Variants in FAM193A observed in about 807,000 individuals in gnomAD.
The protein encoded by FAM193A is protein FAM193A.
FAM193A carries 22 observed loss-of-function variants against 126.5 expected under a neutral mutation model. The ratio of observed to expected loss-of-function variants is 0.17; its 90% CI spans 0.12 to 0.25. The LOEUF (loss-of-function observed/expected upper bound fraction) is 0.25, where lower values mean the gene tolerates loss of function less well. FAM193A is among the 10% of genes least tolerant of loss of function. The probability of loss-of-function intolerance (pLI) is 1.00; values close to 1 mark genes in which losing one functional copy is unlikely to be tolerated. For synonymous variants in FAM193A, 761 were observed against 646.8 expected (o/e 1.18, Z -2.68); for missense variants, 1,675 against 1,672.8 (o/e 1.00, Z -0.02).
Position 2,694,961 on chromosome 4 carries a change from A to C in FAM193A, c.3108A>C (p.Glu1036Asp). 1 of 1,600,916 alleles carries C rather than the reference A, an allele frequency of 6.2e-7. No homozygotes were observed. Among genetic ancestry groups the C allele is most frequent in the Non-Finnish European group, 8.5e-7 (1 of 1,174,818 alleles). Residue 1036 changes from glutamate to aspartate, a missense_variant, in exon 17 of 21, where the codon GAA (glutamate) becomes GAC (aspartate). Physicochemically the swap from Glu to Asp is conservative, Grantham distance 45. Transcript: ENST00000637812. ...GGTTTTGCAGTGACCCTGACTGCGA[A>C]GGGCACCGCTGCGAGAATGGTGTCT... ...PPSVCSDPDCEGHRCENGVYD... is the reference protein window; with the variant it reads ...PPSVCSDPDCDGHRCENGVYD...
chr4:2,542,229 A>G (rs1560429312), intron 1 of FAM193A, among the ~76,000 whole-genome samples: 1 of 150,592 alleles, frequency 6.6e-6, no homozygotes, highest in Admixed American at 6.6e-5. Context: ...TTGGTCTAGA[A>G]CTCCTGACCT....
rs1028913038 is a variant in FAM193A, at chr4:2,662,911, G to C, written c.1819G>C (p.Asp607His). The change falls in exon 11 of 21, where the codon GAT (aspartate) becomes CAT (histidine). Residue 607 changes from aspartate (D) to histidine (H), a missense_variant. Physicochemically the swap from Asp to His is moderately conservative, Grantham distance 81. Coordinates refer to ENST00000637812, the MANE Select transcript of FAM193A (RefSeq NM_001366318.2). ...ADIYPLSNYDDTEVVANMNGI... is the reference protein window; with the variant it reads ...ADIYPLSNYDHTEVVANMNGI... The stretch of plus-strand genomic sequence containing the variant: ...TATTTATCCATTGAGTAATTATGAT[G>C]ATACCGAGGTGGTGGCCAACATGAA... 6.2e-7 allele frequency: 1 copy of C among 1,613,674 alleles called. No individual in the cohort carries two copies. The highest frequency in any genetic ancestry group is 1.3e-5 in the African/African-American group (1 of 74,894).
chr4:2,596,079 TCCAGA>T lies in FAM193A; in HGVS notation c.256-3_257del. ...TGAAAATAGAATTTTTTTTTTCTAT[TCCAGA>T]CTCCTTTTAGTTTTGGCATGAATCA... On this transcript the variant is annotated splice_acceptor_variant and splice_polypyrimidine_tract_variant and coding_sequence_variant and intron_variant, in exon 2 of 21. Coordinates refer to ENST00000637812, the MANE Select transcript of FAM193A (RefSeq NM_001366318.2). LOFTEE classifies it high-confidence loss of function. 1 of 695,072 alleles carries T rather than the reference TCCAGA, an allele frequency of 1.4e-6. No individual in the cohort carries two copies. The highest frequency in any genetic ancestry group is 2.6e-6 in the Non-Finnish European group (1 of 380,194). The allele number at this position is 695,072 out of a possible 1,614,324, so 43.1% of individuals were successfully genotyped here.
chr4:2,564,309 C>T (rs1329147757), intron 1 of FAM193A, among the ~76,000 whole-genome samples: 1 of 151,972 alleles, frequency 6.6e-6, no homozygotes, highest in Non-Finnish European at 1.5e-5. Context: ...TCTCAAACTC[C>T]TGGGGTCGAG....
intron 2 of FAM193A, among the ~76,000 whole-genome samples, chr4:2,599,902 ATT>A (rs759734987): frequency 2.8e-5 from 4 of 142,910 alleles, no homozygotes; most frequent in Admixed American, 1.4e-4. Context: ...CACCTGGCTA[ATT>A]TTTTTTTTTT....
At chr4:2,597,759 C>T (rs1456339932) in intron 2 of FAM193A, among the ~76,000 whole-genome samples, 3 of 152,154 alleles carry the variant, frequency 2.0e-5, no homozygotes, top group African/African-American at 7.2e-5. Context: ...ACATGATTTA[C>T]CTTCCATTAA....
intron 12 of FAM193A, among the ~76,000 whole-genome samples, chr4:2,666,195 T>C (rs768550994): frequency 6.6e-6 from 1 of 152,256 alleles, no homozygotes; most frequent in Non-Finnish European, 1.5e-5. Context: ...AGTTTTTTCA[T>C]GATTTGAATA....
At chr4:2,657,556 C>T (rs1711860608) in intron 7 of FAM193A, among the ~76,000 whole-genome samples, 1 of 152,156 alleles carries the variant, frequency 6.6e-6, no homozygotes, top group Admixed American at 6.6e-5. Flanking sequence ...GTCAGAATAT[C>T]TTGATTTCTC....
At position 2,696,467 on chromosome 4, in the gene FAM193A, C is replaced by G. The variant is rs1260970968; in HGVS notation, c.3381C>G (p.Ile1127Met). 19 of 1,614,190 alleles carry G rather than the reference C, an allele frequency of 1.2e-5. No individual in the cohort carries two copies. The highest frequency in any genetic ancestry group is 1.7e-5 in the Admixed American group (1 of 60,018). The change falls in exon 18 of 21, where the codon ATC (isoleucine) becomes ATG (methionine). Residue 1127 changes from isoleucine to methionine, a missense_variant. By Grantham distance (10) the Ile-to-Met change is conservative (BLOSUM62 1). Transcript: ENST00000637812. The stretch of plus-strand genomic sequence containing the variant: ...AGCAACCTAAAAAAATGGACCAGAT[C>G]TCAGAAAGGGAAAGCGTCGTTGACC... Reference protein sequence around the residue: ...KEEQPKKMDQISERESVVDHR... With the variant: ...KEEQPKKMDQMSERESVVDHR...
chr4:2,592,916 T>G (rs762392339), intron 1 of FAM193A, among the ~76,000 whole-genome samples: 2 of 152,064 alleles, frequency 1.3e-5, no homozygotes, highest in Non-Finnish European at 2.9e-5. Context: ...CAGTGTGTGT[T>G]CCCACCAGCC....
intron 1 of FAM193A, among the ~76,000 whole-genome samples, chr4:2,591,806 C>T (rs1577049053): frequency 6.6e-6 from 1 of 152,086 alleles, no homozygotes; most frequent in South Asian, 2.1e-4. Context: ...CACCTCCCAC[C>T]CCCATGCACA....
At chr4:2,663,353 G>A (rs1712715377) in intron 12 of FAM193A, 65 bp downstream of exon 12, 1 of 1,280,166 alleles carries the variant, frequency 7.8e-7, no homozygotes, top group Non-Finnish European at 1.1e-6. Flanking sequence ...CTAAACATGA[G>A]CATTACTGAA....
rs1329596866 is a variant in FAM193A at position 2,732,000 on chromosome 4, C to T, written c.*132C>T. On this transcript the variant is annotated 3_prime_UTR_variant, in exon 21 of 21. Transcript: ENST00000637812. The stretch of plus-strand genomic sequence containing the variant: ...GTGCGGAGCTGGTGCTGCCTGAAAC[C>T]CCAGACCGAGAAGTTGATGCTCGGC... The T allele has an allele frequency of 4.1e-6, 3 of 737,432 alleles. No homozygotes were observed. The highest frequency in any genetic ancestry group is 2.0e-5 in the Admixed American group (1 of 49,996). The allele number at this position is 737,432 out of a possible 1,614,324, so 45.7% of individuals were successfully genotyped here. A position where few individuals can be genotyped will look rare whatever the true frequency, so the allele number is the denominator to read the frequency against.
chr4:2,599,628 A>G (rs762766625), intron 2 of FAM193A, among the ~76,000 whole-genome samples: 1 of 152,154 alleles, frequency 6.6e-6, no homozygotes, highest in Non-Finnish European at 1.5e-5. Context: ...CCATCCTAGC[A>G]TCACGTCCTA....
chr4:2,657,799 C>T lies in FAM193A; in HGVS notation c.1312-4C>T. 6.2e-7 allele frequency: 1 copy of T among 1,602,100 alleles called. No homozygotes were observed. The highest frequency in any genetic ancestry group is 8.5e-7 in the Non-Finnish European group (1 of 1,174,388). On this transcript the variant is annotated splice_polypyrimidine_tract_variant and splice_region_variant and intron_variant, in intron 7 of 20. Transcript: ENST00000637812. ...TTTTTCTGTTTTTTACATCCCCTTA[C>T]TAGATGACAATGAAAACCAAGCAGC...
At chr4:2,584,852 G>C (rs1290762071) in intron 1 of FAM193A, among the ~76,000 whole-genome samples, 1 of 152,032 alleles carries the variant, frequency 6.6e-6, no homozygotes, top group African/African-American at 2.4e-5. Flanking sequence ...TTCAACCCAG[G>C]TGACGGAGGT....
chr4:2,649,097 G>GGTGC (rs1411244650), intron 7 of FAM193A, among the ~76,000 whole-genome samples: 1 of 152,166 alleles, frequency 6.6e-6, no homozygotes, highest in African/African-American at 2.4e-5. Context: ...AAACTGGCCA[G>GGTGC]GTGCAGTGGC....
intron 7 of FAM193A, among the ~76,000 whole-genome samples, chr4:2,653,690 C>T (rs1227442074): frequency 6.6e-6 from 1 of 152,220 alleles, no homozygotes; most frequent in African/African-American, 2.4e-5. Flanking sequence ...CATCCACCCA[C>T]CTCAGCCTCC....
chr4:2,608,183 C>G (rs1248698577), intron 2 of FAM193A: 1 of 1,527,594 alleles, frequency 6.5e-7, no homozygotes, highest in Admixed American at 1.8e-5. Flanking sequence ...AAGAGGACTT[C>G]ATTTTTCTTT....
Sources: allele counts gnomAD v4.1 joint callset (sites outside exome capture counted in the v4.1 genomes callset), GRCh38; gene constraint gnomAD v4.1.1; transcripts MANE v1.5; gene names NCBI Gene and HGNC (gene_info 2026-07-23, HGNC 2026-07-21).